Variants in ASXL2 observed in about 807,000 individuals in gnomAD.
The protein encoded by ASXL2 is putative Polycomb group protein ASXL2.
ASXL2 carries 23 observed loss-of-function variants against 122.0 expected under a neutral mutation model. The observed-to-expected ratio is 0.19, with a 90% confidence interval of 0.14 to 0.27. The LOEUF (loss-of-function observed/expected upper bound fraction) is 0.27, where lower values mean the gene tolerates loss of function less well. Among genes scored for constraint, ASXL2 ranks in the 10% least tolerant of loss-of-function variants. The probability of loss-of-function intolerance (pLI) is 1.00; values close to 1 mark genes in which losing one functional copy is unlikely to be tolerated. For synonymous variants in ASXL2, 650 were observed against 637.0 expected (o/e 1.02, Z -0.31); for missense variants, 1,518 against 1,713.8 (o/e 0.89, Z 2.02).
rs149163826 is a variant in ASXL2 at position 25,774,304 on chromosome 2, C to G, written c.404-2764G>C. ...TATTTAAACATATGTACACAGATCA[C>G]AAGTGGGTAGCACACTGAAGCTTTT... On this transcript the variant is annotated intron_variant, in intron 5 of 12. Coordinates refer to ENST00000435504, the MANE Select transcript of ASXL2 (RefSeq NM_018263.6). Among the ~76,000 whole-genome samples the G allele has an allele frequency of 3.3e-3, 496 of 152,154 alleles. 3 individuals are homozygous for G. The highest frequency in any genetic ancestry group is 3.7e-3 in the Non-Finnish European group (251 of 68,002).
At chr2:25,760,603 G>A (rs1258514879) in intron 8 of ASXL2, among the ~76,000 whole-genome samples, 2 of 152,202 alleles carry the variant, frequency 1.3e-5, no homozygotes, top group African/African-American at 2.4e-5. Flanking sequence ...ATTTTGAATT[G>A]CTTTCACAAA....
intron 1 of ASXL2, among the ~76,000 whole-genome samples, chr2:25,846,417 G>A (rs949208526): frequency 6.6e-5 from 10 of 152,086 alleles, no homozygotes; most frequent in Non-Finnish European, 5.9e-5. Context: ...AGGCCGAGGC[G>A]GACAGATGAC....
At chr2:25,775,699 TA>T (rs1217343788) in intron 5 of ASXL2, among the ~76,000 whole-genome samples, 2 of 151,426 alleles carry the variant, frequency 1.3e-5, no homozygotes, top group East Asian at 3.9e-4. Context: ...CATGTGGAAC[TA>T]ACTATGAGTC....
chr2:25,812,367 G>C (rs1291203393), intron 3 of ASXL2, among the ~76,000 whole-genome samples: 1 of 152,054 alleles, frequency 6.6e-6, no homozygotes, highest in Non-Finnish European at 1.5e-5. Flanking sequence ...GGCTGAGGCA[G>C]GAGAATCTCT....
At chr2:25,877,258 C>T (rs2090016959) in intron 1 of ASXL2, among the ~76,000 whole-genome samples, 1 of 152,172 alleles carries the variant, frequency 6.6e-6, no homozygotes, top group African/African-American at 2.4e-5. Context: ...TTCTGCTGCA[C>T]CCTCAACGAT....
intron 11 of ASXL2, among the ~76,000 whole-genome samples, 153 bp from the exon 12 acceptor site, chr2:25,750,566 G>A (rs1435458414): frequency 1.3e-5 from 2 of 152,196 alleles, no homozygotes; most frequent in Non-Finnish European, 2.9e-5. Context: ...AGTAGTGAAA[G>A]TTCTGGAGTC....
intron 1 of ASXL2, among the ~76,000 whole-genome samples, chr2:25,874,768 T>C (rs2089997409): frequency 6.6e-6 from 1 of 152,162 alleles, no homozygotes; most frequent in Admixed American, 6.6e-5. Flanking sequence ...ATTACCACCA[T>C]CACTACTGCC....
At chr2:25,857,788 A>G (rs2089798558) in intron 1 of ASXL2, among the ~76,000 whole-genome samples, 1 of 152,160 alleles carries the variant, frequency 6.6e-6, no homozygotes, top group African/African-American at 2.4e-5. Flanking sequence ...ACTGTAATTT[A>G]CTTATTTACC....
chr2:25,860,679 C>G (rs2089833854), intron 1 of ASXL2, among the ~76,000 whole-genome samples: 1 of 151,332 alleles, frequency 6.6e-6, no homozygotes, highest in African/African-American at 2.4e-5. Flanking sequence ...CCACTGCACT[C>G]CAGCCTGGGC....
At position 25,756,009 on chromosome 2, in the gene ASXL2, A is replaced by G. The variant is rs761570693; in HGVS notation, c.1036+9T>C. On this transcript the variant is annotated intron_variant, in intron 10 of 12. Transcript: ENST00000435504. The stretch of plus-strand genomic sequence containing the variant: ...ACCACCTGGGAGACACATTAAGTAG[A>G]GCACTTACCTTCTGAGAGTCTTTCC... 1 of 1,608,444 alleles carries G rather than the reference A, an allele frequency of 6.2e-7. No individual in the cohort carries two copies. The highest frequency in any genetic ancestry group is 8.5e-7 in the Non-Finnish European group (1 of 1,174,908).
At chr2:25,860,322 A>G (rs1359511783) in intron 1 of ASXL2, among the ~76,000 whole-genome samples, 1 of 151,852 alleles carries the variant, frequency 6.6e-6, no homozygotes, top group Non-Finnish European at 1.5e-5. Flanking sequence ...AAAAATAAAA[A>G]AAAATGGAAA....
intron 1 of ASXL2, among the ~76,000 whole-genome samples, chr2:25,869,448 T>C (rs1011332215): frequency 5.3e-5 from 8 of 152,154 alleles, no homozygotes; most frequent in African/African-American, 1.9e-4. Context: ...GTAAAAACAC[T>C]TTAAAAGAAA....
At chr2:25,823,942 C>T (rs574486638) in intron 3 of ASXL2, among the ~76,000 whole-genome samples, 81 of 150,964 alleles carry the variant, frequency 5.4e-4, no homozygotes, top group African/African-American at 1.9e-3. Flanking sequence ...GGGATTATTT[C>T]TCTGTTTGAA....
At chr2:25,822,025 T>C (rs2089318033) in intron 3 of ASXL2, among the ~76,000 whole-genome samples, 1 of 152,216 alleles carries the variant, frequency 6.6e-6, no homozygotes, top group African/African-American at 2.4e-5. Context: ...AAAGATTTAA[T>C]GGACTGAATC....
intron 3 of ASXL2, among the ~76,000 whole-genome samples, chr2:25,814,026 G>A (rs1454530693): frequency 6.6e-6 from 1 of 151,996 alleles, no homozygotes; most frequent in Non-Finnish European, 1.5e-5. Context: ...CTCCAGCCTG[G>A]GCGACAGAGC....
At chr2:25,762,667 A>G (rs1212891020) in intron 8 of ASXL2, among the ~76,000 whole-genome samples, 3 of 65,394 alleles carry the variant, frequency 4.6e-5, no homozygotes, top group South Asian at 1.1e-3. Flanking sequence ...TCTTTCTCGA[A>G]AAAAAAAAAA....
At position 25,856,758 on chromosome 2, in the gene ASXL2, C is replaced by T. The variant is rs1038952095; in HGVS notation, c.58-11195G>A. 184 of 1,306,702 alleles carry T rather than the reference C, an allele frequency of 1.4e-4. No individual in the cohort carries two copies. In the East Asian group the frequency reaches 4.3e-3, roughly 30 times the overall value. 80.9% of individuals were successfully genotyped at this position (1,306,702 alleles called of 1,614,324 possible). On this transcript the variant is annotated intron_variant, in intron 1 of 12. Coordinates refer to ENST00000435504, the MANE Select transcript of ASXL2 (RefSeq NM_018263.6). ...GTTGACCTTCAGCAGCAGACAGCTG[C>T]AGACCTTCTTCTCAAAGGACTGGGC... is the stretch of plus-strand genomic sequence containing the variant.
intron 5 of ASXL2, among the ~76,000 whole-genome samples, chr2:25,785,659 G>A (rs2088732825): frequency 6.6e-6 from 1 of 151,992 alleles, no homozygotes; most frequent in Non-Finnish European, 1.5e-5. Flanking sequence ...CAATTCTCCT[G>A]CCTCAGCCTC....
At chr2:25,775,332 T>C (rs2088528514) in intron 5 of ASXL2, among the ~76,000 whole-genome samples, 1 of 152,148 alleles carries the variant, frequency 6.6e-6, no homozygotes, top group Non-Finnish European at 1.5e-5. Context: ...TTCACCATGT[T>C]GGCCAGGCTG....
Sources: gnomAD v4.1 joint callset for allele counts (sites outside exome capture counted in the v4.1 genomes callset) on GRCh38, gnomAD v4.1.1 for gene constraint, MANE v1.5 for transcripts, NCBI Gene and HGNC (gene_info 2026-07-23, HGNC 2026-07-21) for gene names.